TIAM1: variants seen among roughly 807,000 people sequenced by gnomAD.
The protein encoded by TIAM1 is rho guanine nucleotide exchange factor TIAM1.
In TIAM1, 65 loss-of-function variants were observed where a neutral mutation model predicts 163.5. That is an observed-to-expected ratio of 0.40 (90% CI 0.33 to 0.49). The LOEUF is 0.49. TIAM1 is among the 20% of genes least tolerant of loss of function. TIAM1 has a pLI of 0.77. For missense variants in TIAM1, 1,789 were observed against 2,044.7 expected, an observed-to-expected ratio of 0.87 and a Z score of 2.41; for synonymous variants, 833 against 810.1, an observed-to-expected ratio of 1.03 and a Z score of -0.48.
intron 1 of TIAM1, among the ~76,000 whole-genome samples, chr21:31,478,780 T>C (rs1162896159): frequency 6.6e-6 from 1 of 152,082 alleles, no homozygotes; most frequent in East Asian, 1.9e-4. Flanking sequence ...GTGTTTCAAC[T>C]CCATAGATGT....
chr21:31,176,406 T>C (rs1369890558), intron 15 of TIAM1, among the ~76,000 whole-genome samples: 1 of 151,636 alleles, frequency 6.6e-6, no homozygotes, highest in Non-Finnish European at 1.5e-5. Flanking sequence ...CCAATATGTA[T>C]GAAAACAAAT....
intron 16 of TIAM1, among the ~76,000 whole-genome samples, chr21:31,161,251 C>A (rs2083908306): frequency 6.6e-6 from 1 of 152,128 alleles, no homozygotes. Flanking sequence ...GCCAGGCGGC[C>A]TGGAATGCAT....
At chr21:31,504,261 A>G (rs1287439069) in intron 1 of TIAM1, among the ~76,000 whole-genome samples, 2 of 152,212 alleles carry the variant, frequency 1.3e-5, no homozygotes, top group Non-Finnish European at 2.9e-5. Context: ...TTTGCAGGTA[A>G]AAGGGAGATC....
chr21:31,492,095 C>T (rs1416069255), intron 1 of TIAM1, among the ~76,000 whole-genome samples: 1 of 151,954 alleles, frequency 6.6e-6, no homozygotes, highest in Non-Finnish European at 1.5e-5. Flanking sequence ...TATGTATATG[C>T]ATACGTATGT....
chr21:31,487,346 CT>C (rs954464877), intron 1 of TIAM1, among the ~76,000 whole-genome samples: 2 of 152,134 alleles, frequency 1.3e-5, no homozygotes, highest in African/African-American at 4.8e-5. Context: ...TCCAGTTTTC[CT>C]TTGCCAGAAA....
intron 4 of TIAM1, 83 bp downstream of exon 4, chr21:31,265,927 G>A (rs559310515): frequency 1.3e-6 from 2 of 1,522,882 alleles, no homozygotes; most frequent in East Asian, 4.5e-5. Flanking sequence ...ATTAAAAGAT[G>A]GAAATCTTCT....
At chr21:31,145,834 T>C (rs189631872) in intron 20 of TIAM1, among the ~76,000 whole-genome samples, 4 of 152,324 alleles carry the variant, frequency 2.6e-5, no homozygotes, top group African/African-American at 9.6e-5. Flanking sequence ...ACTGCAACTT[T>C]ATGCAAAATG....
chr21:31,467,259 G>T (rs1464396520), intron 1 of TIAM1, among the ~76,000 whole-genome samples: 1 of 152,166 alleles, frequency 6.6e-6, no homozygotes, highest in Admixed American at 6.6e-5. Context: ...TTGAGTCCGG[G>T]AGTTCCAGGC....
At position 31,120,872 on chromosome 21, in the gene TIAM1, C is replaced by T. The variant is rs765632201; in HGVS notation, c.4307-35G>A. On this transcript the variant is annotated intron_variant, in intron 27 of 27. Coordinates refer to ENST00000541036, the MANE Select transcript of TIAM1 (RefSeq NM_001353694.2). This position sits in a 1 kb window ranked among gnomAD's most constrained non-coding sequence, Gnocchi z 4.2. ...CACACAAAAATATAAAAATAAAACC[C>T]CCACATGCTTTACGTGAGATGAAAA... 1.3e-6 allele frequency: 2 copies of T among 1,539,230 alleles called. No individual in the cohort carries two copies. The highest frequency in any genetic ancestry group is 1.7e-4 in the Middle Eastern group (1 of 5,758).
chr21:31,397,031 G>A (rs139112576), intron 2 of TIAM1, among the ~76,000 whole-genome samples: 5 of 152,204 alleles, frequency 3.3e-5, no homozygotes, highest in East Asian at 1.9e-4. Flanking sequence ...GGGATCCTTC[G>A]ATCGCTGTGA....
intron 2 of TIAM1, among the ~76,000 whole-genome samples, chr21:31,361,605 C>A (rs1449077788): frequency 6.6e-6 from 1 of 152,138 alleles, no homozygotes; most frequent in African/African-American, 2.4e-5. Context: ...ATATTTCCCA[C>A]TGAATAGTAA....
In TIAM1 at chr21:31,420,886, C is replaced by A. The variant is rs143495984; in HGVS notation, c.-369+43097G>T. Among the ~76,000 whole-genome samples, 78 of 152,142 alleles carry A rather than the reference C, an allele frequency of 5.1e-4. No individual in the cohort carries two copies. In the Middle Eastern group the frequency reaches 0.017, roughly 33 times the overall value. ...TCTGTAATCCCAGCACTTTGGGAGG[C>A]CAAGGTGGGTGGACCACCTGAGGTC... On this transcript the variant is annotated intron_variant, in intron 2 of 28. Coordinates refer to the TIAM1 transcript ENST00000286827.
At chr21:31,537,659 C>A (rs1033999547) in intron 1 of TIAM1, among the ~76,000 whole-genome samples, 1 of 151,330 alleles carries the variant, frequency 6.6e-6, no homozygotes, top group Admixed American at 6.6e-5. Context: ...GGCTGAGACA[C>A]AAGAATTGCT....
Position 31,531,303 on chromosome 21 carries a change from G to C in TIAM1, c.-422+27624C>G, listed in dbSNP as rs576067639. Among the ~76,000 whole-genome samples the C allele has an allele frequency of 4.6e-5, 7 of 152,322 alleles. No homozygotes were observed. The East Asian group carries it at 1.2e-3, about 25-fold the overall frequency. On this transcript the variant is annotated intron_variant, in intron 1 of 28. Transcript: ENST00000286827. The stretch of plus-strand genomic sequence containing the variant: ...AGTGTTTGCTCAGCTCCAACTGTAG[G>C]GTTGGCCCAGGTCCAAGGCAGGTCT...
chr21:31,221,561 T>C (rs2087562533), intron 8 of TIAM1, among the ~76,000 whole-genome samples: 1 of 152,216 alleles, frequency 6.6e-6, no homozygotes, highest in Non-Finnish European at 1.5e-5. Flanking sequence ...AGTAAAACGG[T>C]AACCTTCTCA....
At chr21:31,217,923 T>G (rs149608088) in intron 8 of TIAM1, among the ~76,000 whole-genome samples, 60 of 152,332 alleles carry the variant, frequency 3.9e-4, no homozygotes, top group African/African-American at 1.4e-3. Flanking sequence ...AATTCAATCC[T>G]TGTTTGAAAT....
At chr21:31,553,756 T>C (rs1020529640) in intron 1 of TIAM1, among the ~76,000 whole-genome samples, 1 of 152,024 alleles carries the variant, frequency 6.6e-6, no homozygotes, top group African/African-American at 2.4e-5. Context: ...CCCTCACCCC[T>C]ACCTCAAGGC....
chr21:31,539,814 C>G (rs2048262877), intron 1 of TIAM1, among the ~76,000 whole-genome samples: 1 of 152,132 alleles, frequency 6.6e-6, no homozygotes, highest in African/African-American at 2.4e-5. Flanking sequence ...CGGATCTAAT[C>G]TCTTTGCTTC....
At chr21:31,520,421 TTAAGAA>T (rs1397197239) in intron 1 of TIAM1, among the ~76,000 whole-genome samples, 1 of 152,210 alleles carries the variant, frequency 6.6e-6, no homozygotes, top group Non-Finnish European at 1.5e-5. Flanking sequence ...CAATAACTGT[TTAAGAA>T]TAATAGGTTT....
Sources: gnomAD v4.1 joint callset for allele counts (sites outside exome capture counted in the v4.1 genomes callset) on GRCh38, gnomAD v4.1.1 for gene constraint, Gnocchi (gnomAD v3.1) non-coding constraint, MANE v1.5 for transcripts, NCBI Gene and HGNC (gene_info 2026-07-23, HGNC 2026-07-21) for gene names.